Variants in PFKFB1 observed in about 807,000 individuals in gnomAD.
The protein encoded by PFKFB1 is 6-phosphofructo-2-kinase/fructose-2,6-biphosphatase 1, also known as 6-phosphofructo-2-kinase/fructose-2,6-bisphosphatase 1.
PFKFB1 carries 34 observed loss-of-function variants against 46.4 expected under a neutral mutation model. That is an observed-to-expected ratio of 0.73 (90% CI 0.56 to 0.98). PFKFB1 has a LOEUF of 0.98. PFKFB1 is among the 50% of genes least tolerant of loss of function. The pLI is 0.00. For missense variants in PFKFB1, 393 were observed against 376.3 expected (o/e 1.04, Z -0.37); for synonymous variants, 119 against 133.8 (o/e 0.89, Z 0.76).
In PFKFB1 at chrX:54,949,086, C is replaced by T; in HGVS notation, c.982G>A (p.Glu328Lys). ...CCCATGCATCTCACCGCATCAATCT[C>T]ATTCAGGGCCTTCCACTGCTCATAG... ...VPYEQWKALN[E>K]IDAGVCEEMT... is the part of the protein sequence containing the mutation. The change falls in exon 9 of 14, where the codon GAG becomes AAG. Residue 328 changes from glutamate to lysine, a missense_variant. Physicochemically the swap from Glu to Lys is moderately conservative, Grantham distance 56. Coordinates refer to ENST00000375006, the MANE Select transcript of PFKFB1 (RefSeq NM_002625.4). The T allele has an allele frequency of 1.7e-6, 2 of 1,211,327 alleles. No homozygotes were observed. The highest frequency in any genetic ancestry group is 1.1e-6 in the Non-Finnish European group (1 of 895,254).
intron 10 of PFKFB1, among the ~76,000 whole-genome samples, chrX:54,941,055 T>C (rs1313225821): frequency 2.7e-5 from 3 of 111,372 alleles, no homozygotes; most frequent in African/African-American, 9.8e-5. Flanking sequence ...TATAGACCAA[T>C]GGAACAGAAC....
chrX:54,971,750 A>G (rs549404440), intron 1 of PFKFB1, among the ~76,000 whole-genome samples: 1 of 110,592 alleles, frequency 9.0e-6, no homozygotes, highest in Non-Finnish European at 1.9e-5. Flanking sequence ...GGCTTGTAGT[A>G]TAGTTTGAAG....
upstream of PFKFB1, among the ~76,000 whole-genome samples, chrX:54,996,040 T>A (rs1442581630): frequency 8.9e-6 from 1 of 112,129 alleles, no homozygotes; most frequent in Non-Finnish European, 1.9e-5. Flanking sequence ...AGTAAATCAG[T>A]GGCCAAGTCA....
At chrX:54,939,410 G>A (rs1401479410) in intron 10 of PFKFB1, among the ~76,000 whole-genome samples, 3 of 111,716 alleles carry the variant, frequency 2.7e-5, no homozygotes, top group Non-Finnish European at 5.6e-5. Flanking sequence ...AACTGAAGGA[G>A]ATAGAGACAC....
At chrX:54,936,485 A>C (rs1022488835) in intron 11 of PFKFB1, among the ~76,000 whole-genome samples, 1 of 111,617 alleles carries the variant, frequency 9.0e-6, no homozygotes, top group Non-Finnish European at 1.9e-5. Flanking sequence ...GTCCTCTGGC[A>C]TGTACCTGGG....
intron 1 of PFKFB1, among the ~76,000 whole-genome samples, chrX:54,991,157 C>T (rs1251801898): frequency 9.0e-6 from 1 of 111,260 alleles, no homozygotes; most frequent in East Asian, 2.8e-4. Context: ...TGAAAGCTGT[C>T]ATTTACATAC....
At chrX:54,961,353 C>G (rs1203678938) in intron 2 of PFKFB1, among the ~76,000 whole-genome samples, 1 of 111,033 alleles carries the variant, frequency 9.0e-6, no homozygotes, top group Non-Finnish European at 1.9e-5. Flanking sequence ...AGTGAGTGAG[C>G]TGGTGACAGA....
Position 54,959,877 on chromosome X carries a change from C to T in PFKFB1, c.334G>A (p.Ala112Thr). The T allele has an allele frequency of 1.7e-6, 2 of 1,203,776 alleles. No individual in the cohort carries two copies. Among genetic ancestry groups the T allele is most frequent in the African/African-American group, 3.5e-5 (2 of 57,715 alleles). ...AGATAGTTGTGAACATCCTTCAGGGCTGCCAGGGCGCACTGCCTGAAATAG... is the reference window on the plus strand; with the variant it reads ...AGATAGTTGTGAACATCCTTCAGGGTTGCCAGGGCGCACTGCCTGAAATAG... ...LQIRKQCALA[A>T]LKDVHNYLSH... The change falls in exon 4 of 14, where the codon GCC becomes ACC. Residue 112 changes from alanine to threonine, a missense_variant. Physicochemically the swap from Ala to Thr is moderately conservative, Grantham distance 58. Transcript: ENST00000375006.
chrX:54,963,508 G>A lies in PFKFB1; in HGVS notation c.98-126C>T, dbSNP rs1934383050. The A allele has an allele frequency of 4.2e-6, 3 of 714,432 alleles. No homozygotes were observed. In the East Asian group the frequency reaches 1.1e-4, roughly 25 times the overall value. 58.9% of individuals were successfully genotyped at this position (714,432 alleles called of 1,213,427 possible). ...TTACAGTAACGAAAAAACCGGGAAA[G>A]TGAAAATTAAGAACTTCTCTCAGAC... is the stretch of plus-strand genomic sequence containing the variant. On this transcript the variant is annotated intron_variant, in intron 1 of 13. Coordinates refer to ENST00000375006, the MANE Select transcript of PFKFB1 (RefSeq NM_002625.4).
intron 1 of PFKFB1, among the ~76,000 whole-genome samples, chrX:54,967,287 G>A (rs1247670453): frequency 8.9e-6 from 1 of 111,890 alleles, no homozygotes; most frequent in African/African-American, 3.2e-5. Context: ...TCTTAAATTA[G>A]CTATAATAAA....
chrX:54,995,643 T>C (rs977726455), upstream of PFKFB1, among the ~76,000 whole-genome samples: 2 of 112,444 alleles, frequency 1.8e-5, no homozygotes, highest in Non-Finnish European at 3.8e-5. Flanking sequence ...TTTTCTTATC[T>C]GGAACATGGG....
chrX:54,983,585 T>G (rs753745644), intron 1 of PFKFB1, among the ~76,000 whole-genome samples: 2 of 112,347 alleles, frequency 1.8e-5, no homozygotes, highest in Non-Finnish European at 3.8e-5. Flanking sequence ...ACATTTAGGT[T>G]GATTCCATGT....
intron 1 of PFKFB1, among the ~76,000 whole-genome samples, chrX:54,973,203 T>C (rs1162218863): frequency 9.0e-6 from 1 of 111,688 alleles, no homozygotes; most frequent in African/African-American, 3.3e-5. Flanking sequence ...TTATCATTTT[T>C]TATTGCGTCT....
intron 1 of PFKFB1, among the ~76,000 whole-genome samples, chrX:54,973,304 T>C (rs1602213721): frequency 9.0e-6 from 1 of 111,626 alleles, no homozygotes; most frequent in Non-Finnish European, 1.9e-5. Flanking sequence ...CCTGGATTCA[T>C]TAATTTTTTG....
At chrX:54,997,192 G>A (rs1935369671), upstream of PFKFB1, among the ~76,000 whole-genome samples, 1 of 112,194 alleles carries the variant, frequency 8.9e-6, no homozygotes, top group Non-Finnish European at 1.9e-5. Flanking sequence ...TTATAACAGA[G>A]AGCTGTGCAG....
chrX:54,985,580 A>C (rs764024376), intron 1 of PFKFB1, among the ~76,000 whole-genome samples: 4 of 111,510 alleles, frequency 3.6e-5, no homozygotes, highest in South Asian at 7.4e-4. Flanking sequence ...ATGATACCAG[A>C]AGGTAATTCA....
upstream of PFKFB1, among the ~76,000 whole-genome samples, chrX:54,996,364 G>A (rs928611789): frequency 8.9e-6 from 1 of 112,117 alleles, no homozygotes; most frequent in Admixed American, 9.4e-5. Context: ...CTGAGGTCTG[G>A]GGAGGGGAAG....
intron 7 of PFKFB1, among the ~76,000 whole-genome samples, chrX:54,955,881 C>T (rs937181056): frequency 9.8e-5 from 11 of 111,987 alleles, no homozygotes; most frequent in African/African-American, 3.2e-4. Context: ...TAATAATAAT[C>T]GCAACACCCA....
At position 54,955,863 on chromosome X, in the gene PFKFB1, C is replaced by T. The variant is rs191876155; in HGVS notation, c.638+290G>A. On this transcript the variant is annotated intron_variant, in intron 7 of 13. Coordinates refer to ENST00000375006, the MANE Select transcript of PFKFB1 (RefSeq NM_002625.4). The stretch of plus-strand genomic sequence containing the variant: ...TGAAGTGTCATTCACGTGTGAAGAA[C>T]ACTTTTGTAATAATAATCGCAACAC... 6.2e-5 allele frequency among the ~76,000 whole-genome samples: 7 copies of T among 112,190 alleles called. No homozygotes were observed. The East Asian group carries it at 2.0e-3, about 32-fold the overall frequency.
Sources: gnomAD v4.1 joint callset for allele counts (sites outside exome capture counted in the v4.1 genomes callset) on GRCh38, gnomAD v4.1.1 for gene constraint, MANE v1.5 for transcripts, NCBI Gene and HGNC (gene_info 2026-07-23, HGNC 2026-07-21) for gene names.